PRMT8: variants seen among roughly 807,000 people sequenced by gnomAD.
PRMT8 encodes protein arginine N-methyltransferase 8.
PRMT8 carries 7 observed loss-of-function variants against 47.1 expected under a neutral mutation model. The ratio of observed to expected loss-of-function variants is 0.15; its 90% CI spans 0.08 to 0.28. The LOEUF (loss-of-function observed/expected upper bound fraction) is 0.28. Ranked by LOEUF, PRMT8 falls within the 10% of genes least tolerant of loss-of-function variation. The pLI, the probability that PRMT8 is intolerant of heterozygous loss-of-function variation, is 1.00. For synonymous variants in PRMT8, 188 were observed against 186.5 expected, an observed-to-expected ratio of 1.01 and a Z score of -0.07; for missense variants, 237 against 505.4, an observed-to-expected ratio of 0.47 and a Z score of 5.09.
At position 3,401,377 on chromosome 12, in the gene PRMT8, A is replaced by G. The variant is rs533348861; in HGVS notation, c.48+19935A>G. ...ACCCACAGCCAATGTCATACTGAAT[A>G]AGCAAAAGCTGGAAGCATTCCACTT... On this transcript the variant is annotated intron_variant, in intron 1 of 9. Coordinates refer to the PRMT8 transcript ENST00000452611. 1.5e-4 allele frequency among the ~76,000 whole-genome samples: 23 copies of G among 152,166 alleles called. No homozygotes were observed. In the South Asian group the frequency reaches 1.7e-3, roughly 11 times the overall value.
chr12:3,411,604 G>A (rs762436116), intron 1 of PRMT8, among the ~76,000 whole-genome samples: 1 of 152,234 alleles, frequency 6.6e-6, no homozygotes, highest in Admixed American at 6.5e-5. Context: ...CACATTTCAT[G>A]TTTCGGAAAC....
intron 4 of PRMT8, among the ~76,000 whole-genome samples, chr12:3,560,264 C>T (rs761756002): frequency 6.6e-6 from 1 of 152,184 alleles, no homozygotes; most frequent in African/African-American, 2.4e-5. Context: ...GTCTCAGGAG[C>T]GTAGGTGTAG....
intron 1 of PRMT8, among the ~76,000 whole-genome samples, chr12:3,472,202 C>T (rs1322373493): frequency 6.6e-6 from 1 of 152,196 alleles, no homozygotes; most frequent in Non-Finnish European, 1.5e-5. Flanking sequence ...CTTCTGGCTA[C>T]AGGAGGTGAT....
At chr12:3,521,886 A>G (rs776125071) in intron 1 of PRMT8, among the ~76,000 whole-genome samples, 8 of 150,556 alleles carry the variant, frequency 5.3e-5, no homozygotes, top group Non-Finnish European at 1.0e-4. Context: ...TTATACCTAA[A>G]TTTGGCCTGG....
intron 1 of PRMT8, chr12:3,381,569 C>A: frequency 1.2e-6 from 1 of 861,718 alleles, no homozygotes; most frequent in Non-Finnish European, 1.8e-6. Flanking sequence ...CTGCTCACGT[C>A]TCTGTTTCTA....
At chr12:3,588,244 A>T (rs11062730) in intron 8 of PRMT8, among the ~76,000 whole-genome samples, 1 of 152,194 alleles carries the variant, frequency 6.6e-6, no homozygotes. Context: ...ACATTAAAGA[A>T]GCTTCTTGGT....
chr12:3,592,550 AG>A (rs1459682164), intron 9 of PRMT8, among the ~76,000 whole-genome samples, 198 bp downstream of exon 9: 1 of 152,022 alleles, frequency 6.6e-6, no homozygotes, highest in African/African-American at 2.4e-5. Flanking sequence ...CCGCAAATAG[AG>A]GTTTTCCCTG....
chr12:3,491,216 G>A lies in PRMT8; in HGVS notation c.-410G>A, dbSNP rs1444808835. The A allele has an allele frequency of 2.0e-6, 2 of 999,848 alleles. No homozygotes were observed. The highest frequency in any genetic ancestry group is 2.4e-6 in the Non-Finnish European group (2 of 839,574). 61.9% of individuals were successfully genotyped at this position (999,848 alleles called of 1,614,324 possible). ...AGGAAGCGTGTTGCTTCGCCCAGCG[G>A]ATCGGCAGAAGTTGAGAGGAGTTGG... On this transcript the variant is annotated 5_prime_UTR_variant, in exon 1 of 10. Coordinates refer to ENST00000382622, the MANE Select transcript of PRMT8 (RefSeq NM_019854.5).
chr12:3,510,844 G>A (rs1041208211), intron 1 of PRMT8, among the ~76,000 whole-genome samples: 52 of 152,234 alleles, frequency 3.4e-4, no homozygotes, highest in Non-Finnish European at 2.1e-4. Flanking sequence ...AAGGCAGCAG[G>A]GACCTATCCT....
At position 3,583,132 on chromosome 12, in the gene PRMT8, C is replaced by T. The variant is rs777123310; in HGVS notation, c.903C>T (p.Asn301=). 6.5e-5 allele frequency: 105 copies of T among 1,614,104 alleles called. No individual in the cohort carries two copies. The highest frequency in any genetic ancestry group is 1.7e-4 in the Admixed American group (10 of 60,024). The change falls in exon 8 of 10, where the codon AAC becomes AAT. Residue 301 remains asparagine (N), a synonymous_variant. Coordinates refer to ENST00000382622, the MANE Select transcript of PRMT8 (RefSeq NM_019854.5). This position sits in a 1 kb window ranked among gnomAD's most constrained non-coding sequence, Gnocchi z 4.7. The part of the protein sequence containing the change: ...TSAFCLQIQR[N]DYVHALVTYF... ...CATTCTGCCTGCAGATACAGCGCAACGACTACGTCCACGCCCTGGTCACCT... is the reference window on the plus strand; with the variant it reads ...CATTCTGCCTGCAGATACAGCGCAATGACTACGTCCACGCCCTGGTCACCT...
upstream of PRMT8, among the ~76,000 whole-genome samples, chr12:3,487,565 G>A (rs1025625884): frequency 6.6e-6 from 1 of 152,162 alleles, no homozygotes; most frequent in African/African-American, 2.4e-5. Context: ...TGGCGTTTGT[G>A]GGGCCTCTAC....
chr12:3,456,055 C>A lies in PRMT8; in HGVS notation c.48+74613C>A, dbSNP rs1415192048. ...TGTAAAATGAGGATAGTAAGTCACACCTCACAGGGAAACTGAGGCTGACGC... is the reference window on the plus strand; with the variant it reads ...TGTAAAATGAGGATAGTAAGTCACAACTCACAGGGAAACTGAGGCTGACGC... On this transcript the variant is annotated intron_variant, in intron 1 of 9. Coordinates refer to the PRMT8 transcript ENST00000452611. The surrounding 1 kb of genome is among the most constrained non-coding windows in gnomAD (Gnocchi z 4.2). 1.3e-5 allele frequency among the ~76,000 whole-genome samples: 2 copies of A among 152,216 alleles called. No individual in the cohort carries two copies. The highest frequency in any genetic ancestry group is 1.5e-5 in the Non-Finnish European group (1 of 68,042).
intron 1 of PRMT8, among the ~76,000 whole-genome samples, chr12:3,524,207 G>T (rs1388519021): frequency 6.6e-6 from 1 of 152,050 alleles, no homozygotes; most frequent in Non-Finnish European, 1.5e-5. Flanking sequence ...GTTCCTAATG[G>T]AGTATCTAAT....
At chr12:3,401,147 C>CAA (rs34492092) in intron 1 of PRMT8, among the ~76,000 whole-genome samples, 640 of 45,500 alleles carry the variant, frequency 0.014, 17 homozygotes, top group Non-Finnish European at 0.019. Context: ...AACTCCATCT[C>CAA]AAAAAAAAAA....
intron 1 of PRMT8, among the ~76,000 whole-genome samples, chr12:3,470,641 G>A (rs915158351): frequency 2.0e-5 from 3 of 151,316 alleles, no homozygotes; most frequent in Non-Finnish European, 2.9e-5. Context: ...TCCAGAATAC[G>A]CAGGAGTGAG....
chr12:3,410,484 G>T (rs1772338948), intron 1 of PRMT8, among the ~76,000 whole-genome samples: 1 of 151,954 alleles, frequency 6.6e-6, no homozygotes, highest in Non-Finnish European at 1.5e-5. Flanking sequence ...GCTTTTCTTT[G>T]TTGTTGTTGT....
chr12:3,563,433 G>T (rs4766141), intron 4 of PRMT8, among the ~76,000 whole-genome samples: 11 of 151,798 alleles, frequency 7.2e-5, no homozygotes, highest in Middle Eastern at 3.4e-3. Context: ...TCATGACACC[G>T]GGGGCTCCCT....
At chr12:3,488,852 T>C (rs1484470382), upstream of PRMT8, among the ~76,000 whole-genome samples, 4 of 152,248 alleles carry the variant, frequency 2.6e-5, no homozygotes, top group Admixed American at 1.3e-4. Flanking sequence ...GTTCAGGTCA[T>C]CTCTTGGTGT....
intron 1 of PRMT8, among the ~76,000 whole-genome samples, chr12:3,399,324 A>G (rs1186856680): frequency 1.3e-5 from 2 of 152,186 alleles, no homozygotes; most frequent in Admixed American, 1.3e-4. Context: ...GGAGAGGGGC[A>G]AAAATAGAGT....
Sources: gnomAD v4.1 joint callset for allele counts (sites outside exome capture counted in the v4.1 genomes callset) on GRCh38, gnomAD v4.1.1 for gene constraint, Gnocchi (gnomAD v3.1) non-coding constraint, MANE v1.5 for transcripts, NCBI Gene and HGNC (gene_info 2026-07-23, HGNC 2026-07-21) for gene names.